Variants in SEMA3A observed in about 807,000 individuals in gnomAD.
The protein encoded by SEMA3A is semaphorin-3A.
SEMA3A carries 29 observed loss-of-function variants against 97.9 expected under a neutral mutation model. The ratio of observed to expected loss-of-function variants is 0.30; its 90% CI spans 0.22 to 0.40. The LOEUF (loss-of-function observed/expected upper bound fraction) is 0.40, where lower values mean the gene tolerates loss of function less well. Among genes scored for constraint, SEMA3A ranks in the 10% least tolerant of loss-of-function variants. SEMA3A has a pLI of 1.00. For synonymous variants in SEMA3A, 321 were observed against 323.7 expected, an observed-to-expected ratio of 0.99 and a Z score of 0.09; for missense variants, 763 against 951.3, an observed-to-expected ratio of 0.80 and a Z score of 2.60.
rs1788434485 is a variant in SEMA3A, at chr7:83,960,816, T to C, written c.*555A>G. 1 of 137,872 alleles carries C rather than the reference T, an allele frequency of 7.3e-6. No individual in the cohort carries two copies. The highest frequency in any genetic ancestry group is 2.7e-5 in the African/African-American group (1 of 37,010). The allele number at this position is 137,872 out of a possible 1,614,324, so 8.5% of individuals were successfully genotyped here. A position where few individuals can be genotyped will look rare whatever the true frequency, so the allele number is the denominator to read the frequency against. ...TTCCATTTTTCTTCTGGATGATGGATGGCTTATGTTTTTTTTTTTTTTTAA... is the reference window on the plus strand; with the variant it reads ...TTCCATTTTTCTTCTGGATGATGGACGGCTTATGTTTTTTTTTTTTTTTAA... On this transcript the variant is annotated 3_prime_UTR_variant, in exon 17 of 17. Transcript: ENST00000265362.
intron 3 of SEMA3A, among the ~76,000 whole-genome samples, chr7:84,251,382 AG>A (rs1187866798): frequency 2.0e-5 from 3 of 152,320 alleles, no homozygotes; most frequent in Non-Finnish European, 4.4e-5. Flanking sequence ...CATGATTGTT[AG>A]CCAAGAGTGT....
intron 3 of SEMA3A, among the ~76,000 whole-genome samples, chr7:84,204,800 C>T (rs994196743): frequency 1.3e-5 from 2 of 152,142 alleles, no homozygotes; most frequent in African/African-American, 4.8e-5. Flanking sequence ...GAAACCATGA[C>T]TTAGACTAAC....
intron 14 of SEMA3A, among the ~76,000 whole-genome samples, chr7:83,979,562 ACG>A (rs1406787865): frequency 6.6e-6 from 1 of 152,198 alleles, no homozygotes; most frequent in Admixed American, 6.6e-5. Flanking sequence ...TAAATTACCT[ACG>A]GTTTCTTTAA....
intron 5 of SEMA3A, among the ~76,000 whole-genome samples, chr7:84,050,217 T>C (rs915023820): frequency 1.3e-5 from 2 of 152,162 alleles, no homozygotes; most frequent in Non-Finnish European, 2.9e-5. Flanking sequence ...TATTGTCCTT[T>C]GGGTATATGC....
At chr7:84,420,712 T>C (rs1046132845) in intron 1 of SEMA3A, among the ~76,000 whole-genome samples, 2 of 152,094 alleles carry the variant, frequency 1.3e-5, no homozygotes, top group African/African-American at 4.8e-5. Flanking sequence ...TGATTTAAAG[T>C]CTTGGGAGGG....
Position 84,021,328 on chromosome 7 carries a change from A to C in SEMA3A, c.668-6977T>G, listed in dbSNP as rs74675565. On this transcript the variant is annotated intron_variant, in intron 6 of 16. Coordinates refer to ENST00000265362, the MANE Select transcript of SEMA3A (RefSeq NM_006080.3). ...TATAACATTTAATTCTTTTTAAAAT[A>C]TCTGCATTTTCATATTTGTCTTACG... Among the ~76,000 whole-genome samples, 1,416 of 152,332 alleles carry C rather than the reference A, an allele frequency of 9.3e-3. 17 individuals carry two copies. The highest frequency in any genetic ancestry group is 0.032 in the African/African-American group (1,336 of 41,580).
intron 3 of SEMA3A, among the ~76,000 whole-genome samples, chr7:84,216,255 C>A (rs945850239): frequency 6.6e-6 from 1 of 151,966 alleles, no homozygotes; most frequent in Non-Finnish European, 1.5e-5. Context: ...TACAGGCGCT[C>A]GCCACCACAC....
At chr7:84,115,793 C>A (rs1795407579) in intron 3 of SEMA3A, among the ~76,000 whole-genome samples, 2 of 152,092 alleles carry the variant, frequency 1.3e-5, no homozygotes, top group Non-Finnish European at 2.9e-5. Context: ...TACTCACAAT[C>A]CTCACCCTGA....
intron 4 of SEMA3A, among the ~76,000 whole-genome samples, chr7:84,081,740 T>C (rs949620358): frequency 6.6e-6 from 1 of 152,036 alleles, no homozygotes; most frequent in Non-Finnish European, 1.5e-5. Context: ...AAACATTACT[T>C]TGGACTACTT....
rs1389618372 is a variant in SEMA3A at position 83,993,214 on chromosome 7, T to C, written c.1453-7737A>G. Among the ~76,000 whole-genome samples, 9 of 108,282 alleles carry C rather than the reference T, an allele frequency of 8.3e-5. 1 individual carries two copies. Among genetic ancestry groups the C allele is most frequent in the Non-Finnish European group, 5.9e-5 (3 of 51,258 alleles). 71.0% of individuals were successfully genotyped at this position (108,282 alleles called of 152,430 possible). A position where few individuals can be genotyped will look rare whatever the true frequency, so the allele number is the denominator to read the frequency against. ...TTTATTTTGAGCGTATGTGTGTCTC[T>C]GCACGTGAGATGGGTGTCCTGAATA... On this transcript the variant is annotated intron_variant, in intron 12 of 16. Transcript: ENST00000265362.
chr7:84,296,571 G>T (rs1013471734), intron 3 of SEMA3A, among the ~76,000 whole-genome samples: 1 of 152,076 alleles, frequency 6.6e-6, no homozygotes, highest in Non-Finnish European at 1.5e-5. Flanking sequence ...ACTTAAAAAA[G>T]AAATTTGGGA....
At chr7:84,173,696 C>T (rs1584081314) in intron 1 of SEMA3A, among the ~76,000 whole-genome samples, 1 of 152,046 alleles carries the variant, frequency 6.6e-6, no homozygotes, top group South Asian at 2.1e-4. Context: ...TCAGCTACCC[C>T]ATAGTGCCAT....
chr7:84,431,402 T>C (rs544565864), intron 1 of SEMA3A, among the ~76,000 whole-genome samples: 1 of 152,170 alleles, frequency 6.6e-6, no homozygotes, highest in South Asian at 2.1e-4. Flanking sequence ...ATGAGTCTAT[T>C]AGCCTTTTAA....
intron 4 of SEMA3A, among the ~76,000 whole-genome samples, chr7:84,078,235 G>A (rs1393148545): frequency 1.3e-5 from 2 of 152,032 alleles, no homozygotes; most frequent in Non-Finnish European, 2.9e-5. Context: ...AGTGCATGGA[G>A]TGAATCTAGC....
intron 1 of SEMA3A, among the ~76,000 whole-genome samples, chr7:84,463,530 G>A (rs1479791145): frequency 6.6e-6 from 1 of 152,060 alleles, no homozygotes; most frequent in Non-Finnish European, 1.5e-5. Flanking sequence ...TTACAGGCGT[G>A]AGCCACCGCG....
chr7:84,084,387 G>T (rs182370429), intron 4 of SEMA3A, among the ~76,000 whole-genome samples: 5 of 151,946 alleles, frequency 3.3e-5, no homozygotes, highest in Admixed American at 2.0e-4. Flanking sequence ...TATAGCAGGG[G>T]TGATAAAAAT....
chr7:84,274,026 T>A (rs1311206528), intron 3 of SEMA3A, among the ~76,000 whole-genome samples: 1 of 152,074 alleles, frequency 6.6e-6, no homozygotes, highest in African/African-American at 2.4e-5. Flanking sequence ...CTATATAAGC[T>A]TTATTTTCTT....
rs1179008399 is a variant in SEMA3A, at chr7:84,252,079, C to A, written c.-83+55128G>T. ...AAATGATGTAAATTTGAATACTCAT[C>A]CGAATCCAGCAATGGACTCTTCTGA... On this transcript the variant is annotated intron_variant, in intron 3 of 3. Coordinates refer to the SEMA3A transcript ENST00000424555. 3.9e-5 allele frequency among the ~76,000 whole-genome samples: 6 copies of A among 152,128 alleles called. No individual in the cohort carries two copies. The South Asian group carries it at 1.2e-3, about 31-fold the overall frequency.
chr7:84,239,693 G>T (rs1799315285), intron 3 of SEMA3A, among the ~76,000 whole-genome samples: 1 of 152,066 alleles, frequency 6.6e-6, no homozygotes. Flanking sequence ...AGAATAAAAT[G>T]ATCTGATACA....
Sources: gnomAD v4.1 joint callset for allele counts (sites outside exome capture counted in the v4.1 genomes callset) on GRCh38, gnomAD v4.1.1 for gene constraint, MANE v1.5 for transcripts, NCBI Gene and HGNC (gene_info 2026-07-23, HGNC 2026-07-21) for gene names.